DNAH1: variants seen among roughly 807,000 people sequenced by gnomAD.
The protein encoded by DNAH1 is axonemal beta dynein heavy chain 1.
A neutral mutation model predicts 484.3 loss-of-function variants in DNAH1; 327 were observed. The observed-to-expected ratio is 0.68, with a 90% CI of 0.62 to 0.74. DNAH1 has a LOEUF of 0.74. Ranked by LOEUF, DNAH1 falls within the 30% of genes least tolerant of loss-of-function variation. DNAH1 has a pLI of 0.00. For missense variants in DNAH1, 5,052 were observed against 5,546.8 expected (o/e 0.91, Z 2.83); for synonymous variants, 2,192 against 2,191.9 (o/e 1.00, Z 0.00).
At chr3:52,331,341 C>A (rs1366504632) in intron 7 of DNAH1, 32 bp downstream of exon 7, 1 of 1,583,146 alleles carries the variant, frequency 6.3e-7, no homozygotes. Flanking sequence ...CCAGGCAGAA[C>A]CCCAGCTTGG....
At chr3:52,328,406 C>T (rs1487187445) in intron 6 of DNAH1, among the ~76,000 whole-genome samples, 1 of 152,144 alleles carries the variant, frequency 6.6e-6, no homozygotes, top group Non-Finnish European at 1.5e-5. Flanking sequence ...GTGTGCACAA[C>T]ACACACCATC....
chr3:52,398,800 TG>T, intron 75 of DNAH1, 49 bp from the exon 76 acceptor site: 1 of 1,423,990 alleles, frequency 7.0e-7, no homozygotes, highest in South Asian at 1.5e-5. Context: ...GCATAGCTAC[TG>T]CCACGTGACC....
Position 52,345,539 on chromosome 3 carries a change from G to T in DNAH1, c.1489G>T (p.Asp497Tyr). Residue 497 changes from aspartate to tyrosine, a missense_variant, in exon 10 of 78, where the codon GAC (aspartate) becomes TAC (tyrosine). Physicochemically the swap from Asp to Tyr is radical, Grantham distance 160. This residue lies in a region of DNAH1 where 1,263 missense variants were observed against 1,218.8 expected (regional missense o/e 1.04). Coordinates refer to ENST00000420323, the MANE Select transcript of DNAH1 (RefSeq NM_015512.5). ...PKYHFWEQKE[D>Y]FTFVSLLTRP... ...GTACCACTTCTGGGAGCAGAAGGAG[G>T]ACTTCACTTTCGTGTCCCTGCTCAC... The T allele has an allele frequency of 6.3e-7, 1 of 1,583,736 alleles. No individual in the cohort carries two copies. Among genetic ancestry groups the T allele is most frequent in the Non-Finnish European group, 8.6e-7 (1 of 1,164,326 alleles).
At chr3:52,332,516 G>T in intron 8 of DNAH1, 122 bp downstream of exon 8, 1 of 1,419,760 alleles carries the variant, frequency 7.0e-7, no homozygotes, top group Admixed American at 2.3e-5. Flanking sequence ...AGACTGTCCT[G>T]GCTATTGCCC....
chr3:52,335,744 C>G (rs1701721262), intron 8 of DNAH1, among the ~76,000 whole-genome samples: 1 of 151,872 alleles, frequency 6.6e-6, no homozygotes, highest in African/African-American at 2.4e-5. Flanking sequence ...AAGTGATTCT[C>G]CTGCCTCAGC....
Position 52,381,848 on chromosome 3 carries a change from CA to C in DNAH1, c.7805+13del, listed in dbSNP as rs750712836. ...CTCGCCTCGCACATGTGAGCGCCTC[CA>C]GGGCGTGCTGGGCAGTGGGCGGCCA... is the stretch of plus-strand genomic sequence containing the variant. On this transcript the variant is annotated intron_variant, in intron 49 of 77. Coordinates refer to ENST00000420323, the MANE Select transcript of DNAH1 (RefSeq NM_015512.5). The surrounding 1 kb of genome is among the most constrained non-coding windows in gnomAD (Gnocchi z 4.1). 1 of 1,566,656 alleles carries C rather than the reference CA, an allele frequency of 6.4e-7. No individual in the cohort carries two copies. The highest frequency in any genetic ancestry group is 8.7e-7 in the Non-Finnish European group (1 of 1,155,250).
upstream of DNAH1, among the ~76,000 whole-genome samples, chr3:52,314,839 G>A (rs931370121): frequency 1.3e-5 from 2 of 152,160 alleles, no homozygotes; most frequent in African/African-American, 4.8e-5. Context: ...CGGCAGGGAG[G>A]CTGCACAGGA....
At chr3:52,374,043 A>C in intron 44 of DNAH1, 1 of 1,012,168 alleles carries the variant, frequency 9.9e-7, no homozygotes, top group Non-Finnish European at 1.6e-6. Flanking sequence ...ATTGATCAGA[A>C]GTTTGTATTG....
Position 52,361,756 on chromosome 3 carries a change from A to G in DNAH1, c.4970A>G (p.Gln1657Arg), listed in dbSNP as rs1380519519. The stretch of plus-strand genomic sequence containing the variant: ...CAGATCACCACCATCCAGAAGGCGC[A>G]GCAGCAGCGGGTGAGCCCGGGGGAC... ...AQQITTIQKAQQQRVERFMFE... is the reference protein window; with the variant it reads ...AQQITTIQKARQQRVERFMFE... The change falls in exon 30 of 78, where the codon CAG becomes CGG. Residue 1657 changes from glutamine to arginine, a missense_variant. By Grantham distance (43) the Gln-to-Arg change is conservative. This residue lies in a region of DNAH1 where 2,929 missense variants were observed against 3,409.4 expected (regional missense o/e 0.86). Transcript: ENST00000420323. This position sits in a 1 kb window ranked among gnomAD's most constrained non-coding sequence, Gnocchi z 5.6. The G allele has an allele frequency of 2.5e-6, 4 of 1,607,288 alleles. No homozygotes were observed. The highest frequency in any genetic ancestry group is 3.4e-5 in the Admixed American group (2 of 59,194).
Position 52,395,189 on chromosome 3 carries a change from G to C in DNAH1, c.10969-119G>C. 6.7e-7 allele frequency: 1 copy of C among 1,492,564 alleles called. No homozygotes were observed. The highest frequency in any genetic ancestry group is 9.0e-7 in the Non-Finnish European group (1 of 1,112,178). 92.5% of individuals were successfully genotyped at this position (1,492,564 alleles called of 1,614,324 possible). On this transcript the variant is annotated intron_variant, in intron 68 of 77. Transcript: ENST00000420323. The surrounding 1 kb of genome is among the most constrained non-coding windows in gnomAD (Gnocchi z 4.4). ...CCTGCTTGCTCCCTAAAGGCTCTGAGGTTCCAGCCCCCACCAGGAAGCCCA... is the reference window on the plus strand; with the variant it reads ...CCTGCTTGCTCCCTAAAGGCTCTGACGTTCCAGCCCCCACCAGGAAGCCCA...
At chr3:52,321,751 T>C (rs1701156108) in intron 1 of DNAH1, 1 of 152,118 alleles carries the variant, frequency 6.6e-6, no homozygotes, top group Non-Finnish European at 1.5e-5. Context: ...CCAGGGTGGG[T>C]GAATGCTATT....
At chr3:52,374,970 CG>C (rs1208194712) in intron 44 of DNAH1, 7 of 340,360 alleles carry the variant, frequency 2.1e-5, no homozygotes, top group East Asian at 5.5e-5. Context: ...ACCATGGGGG[CG>C]GGGGGTGGGG....
chr3:52,400,371 G>A lies in DNAH1; in HGVS notation c.12723G>A (p.Val4241=). 6.2e-7 allele frequency: 1 copy of A among 1,614,048 alleles called. No homozygotes were observed. Among genetic ancestry groups the A allele is most frequent in the Non-Finnish European group, 8.5e-7 (1 of 1,179,896 alleles). ...TGHSTNYVIA[V]EIPTHQPQRH... is the part of the protein sequence containing the mutation. ...ACTCTACCAACTATGTCATTGCTGT[G>A]GAGATCCCCACCCATCAGCCCCAGC... is the stretch of plus-strand genomic sequence containing the variant. Residue 4241 remains valine (V), a synonymous_variant, in exon 78 of 78, where the codon GTG becomes GTA. Coordinates refer to ENST00000420323, the MANE Select transcript of DNAH1 (RefSeq NM_015512.5).
rs747707835 is a variant in DNAH1 at position 52,344,506 on chromosome 3, A to G, written c.1303A>G (p.Ser435Gly). ...RKGPSVLEHL[S>G]SLAREVSLDY... ...TATGGGCAGGGTTCTAGAGCACCTC[A>G]GCAGTCTTGCCAGAGAAGTGAGCCT... Residue 435 changes from serine to glycine, a missense_variant, in exon 9 of 78, where the codon AGC (serine) becomes GGC (glycine). Physicochemically the swap from Ser to Gly is moderately conservative, Grantham distance 56. Transcript: ENST00000420323. 6.2e-7 allele frequency: 1 copy of G among 1,613,844 alleles called. No homozygotes were observed. Among genetic ancestry groups the G allele is most frequent in the African/African-American group, 1.3e-5 (1 of 74,938 alleles).
intron 10 of DNAH1, 76 bp from the exon 11 acceptor site, chr3:52,346,396 G>A: frequency 6.9e-7 from 1 of 1,441,622 alleles, no homozygotes; most frequent in Non-Finnish European, 9.3e-7. Context: ...GCACCCTGGT[G>A]CATAGAGTCC....
At position 52,353,420 on chromosome 3, in the gene DNAH1, G is replaced by A. The variant is rs1383831832; in HGVS notation, c.3267G>A (p.Glu1089=). Residue 1089 remains glutamate, a synonymous_variant, in exon 20 of 78, where the codon GAG becomes GAA. Coordinates refer to ENST00000420323, the MANE Select transcript of DNAH1 (RefSeq NM_015512.5). This position sits in a 1 kb window ranked among gnomAD's most constrained non-coding sequence, Gnocchi z 5.0. ...CCTTGGACATCCGGGCCCGCATCGA[G>A]GAGTTCAAACCATACATCCCACTGA... ...EVALDIRARI[E]EFKPYIPLIQ... 1 of 1,613,776 alleles carries A rather than the reference G, an allele frequency of 6.2e-7. No homozygotes were observed. The highest frequency in any genetic ancestry group is 8.5e-7 in the Non-Finnish European group (1 of 1,179,778).
At chr3:52,356,568 C>T in intron 21 of DNAH1, 46 bp from the exon 22 acceptor site, 1 of 1,599,656 alleles carries the variant, frequency 6.3e-7, no homozygotes, top group Non-Finnish European at 8.5e-7. Flanking sequence ...CCAGCTTGGA[C>T]CCTGACAGTC....
chr3:52,382,477 G>A, intron 50 of DNAH1, 22 bp downstream of exon 50: 3 of 1,612,454 alleles, frequency 1.9e-6, no homozygotes, highest in Non-Finnish European at 2.5e-6. Context: ...ACAGCAGAGG[G>A]CAGGGCTCGG....
At position 52,370,796 on chromosome 3, in the gene DNAH1, A is replaced by T. The variant is rs1232130310; in HGVS notation, c.6496A>T (p.Ser2166Cys). 1 of 1,605,484 alleles carries T rather than the reference A, an allele frequency of 6.2e-7. No homozygotes were observed. The highest frequency in any genetic ancestry group is 1.7e-5 in the Admixed American group (1 of 58,742). The part of the protein sequence containing the change: ...EDAGISGTND[S>C]EDEEEEYKQV... ...CGCGGGCATCAGTGGCACCAACGACAGTGAGGATGAAGAGGAGGAATACAA... is the reference window on the plus strand; with the variant it reads ...CGCGGGCATCAGTGGCACCAACGACTGTGAGGATGAAGAGGAGGAATACAA... The change falls in exon 41 of 78, where the codon AGT becomes TGT. Residue 2166 changes from serine to cysteine, a missense_variant. Ser to Cys is a moderately radical substitution (Grantham distance 112). Around this residue, in one of 4 missense-constraint regions of DNAH1, gnomAD observed 2,929 missense variants for 3,409.4 expected, o/e 0.86. Coordinates refer to ENST00000420323, the MANE Select transcript of DNAH1 (RefSeq NM_015512.5).
Sources: allele counts gnomAD v4.1 joint callset (sites outside exome capture counted in the v4.1 genomes callset), GRCh38; gene constraint gnomAD v4.1.1; regional missense constraint gnomAD v4.1.1; non-coding constraint Gnocchi (gnomAD v3.1); transcripts MANE v1.5; gene names NCBI Gene and HGNC (gene_info 2026-07-23, HGNC 2026-07-21).